SDK1: variants seen among roughly 807,000 people sequenced by gnomAD.
SDK1 encodes the protein protein sidekick-1.
A neutral mutation model predicts 245.5 loss-of-function variants in SDK1; 157 were observed. That is an observed-to-expected ratio of 0.64 (90% CI 0.56 to 0.73). SDK1 has a LOEUF of 0.73. SDK1 is among the 30% of genes least tolerant of loss of function. The probability of loss-of-function intolerance (pLI) is 0.00; values close to 1 mark genes in which losing one functional copy is unlikely to be tolerated. For missense variants in SDK1, 3,583 were observed against 3,002.3 expected (o/e 1.19, Z -4.52); for synonymous variants, 1,647 against 1,278.5 (o/e 1.29, Z -6.15).
intron 4 of SDK1, among the ~76,000 whole-genome samples, chr7:3,668,013 TATAAG>T (rs1783589112): frequency 6.6e-6 from 1 of 152,196 alleles, no homozygotes; most frequent in Non-Finnish European, 1.5e-5. Context: ...ATAAGAAACT[TATAAG>T]AAACCTCAAA....
chr7:4,102,319 G>A (rs56896338), intron 22 of SDK1, among the ~76,000 whole-genome samples: 3 of 152,022 alleles, frequency 2.0e-5, no homozygotes, highest in East Asian at 1.9e-4. Context: ...GCACGGGGAG[G>A]AGCCGTCAGA....
chr7:4,069,456 AGC>A, intron 20 of SDK1, among the ~76,000 whole-genome samples: 1 of 152,346 alleles, frequency 6.6e-6, no homozygotes, highest in Non-Finnish European at 1.5e-5. Context: ...GGTATTCTGC[AGC>A]CGCACCCCAA....
chr7:4,014,792 G>A (rs1244537378), intron 16 of SDK1, among the ~76,000 whole-genome samples: 2 of 152,186 alleles, frequency 1.3e-5, no homozygotes, highest in Admixed American at 1.3e-4. Context: ...TATCCTACCA[G>A]CAAGAGGAGG....
chr7:4,074,856 T>TACTTTCTCTCTCTCTCTC lies in SDK1; in HGVS notation c.3011-2142_3011-2141insACTTTCTCTCTCTCTCTC, dbSNP rs1486926440. Among the ~76,000 whole-genome samples, 223 of 70,110 alleles carry TACTTTCTCTCTCTCTCTC rather than the reference T, an allele frequency of 3.2e-3. 4 individuals are homozygous for TACTTTCTCTCTCTCTCTC. Among genetic ancestry groups the TACTTTCTCTCTCTCTCTC allele is most frequent in the African/African-American group, 4.5e-3 (47 of 10,362 alleles). 46.0% of individuals were successfully genotyped at this position (70,110 alleles called of 152,430 possible). A position where few individuals can be genotyped will look rare whatever the true frequency, so the allele number is the denominator to read the frequency against. The stretch of plus-strand genomic sequence containing the variant: ...CCAGCCTGGGCAACAGAGCAAGACT[T>TACTTTCTCTCTCTCTCTC]TCTCTCTCTCTCTCTCTCTCTCTCT... On this transcript the variant is annotated intron_variant, in intron 20 of 44. Transcript: ENST00000404826.
At chr7:3,807,497 G>T (rs1457349516) in intron 4 of SDK1, among the ~76,000 whole-genome samples, 1 of 152,126 alleles carries the variant, frequency 6.6e-6, no homozygotes, top group Non-Finnish European at 1.5e-5. Flanking sequence ...CTCTACCATA[G>T]GCCAGGCCTT....
intron 1 of SDK1, among the ~76,000 whole-genome samples, chr7:3,452,189 T>G (rs1265501188): frequency 3.3e-5 from 5 of 152,188 alleles, no homozygotes; most frequent in Non-Finnish European, 4.4e-5. Context: ...TCAGCTTTCT[T>G]TAGGACAGGT....
intron 1 of SDK1, among the ~76,000 whole-genome samples, chr7:3,321,948 TC>T (rs1008288972): frequency 2.0e-5 from 3 of 150,868 alleles, no homozygotes; most frequent in Admixed American, 2.0e-4. Context: ...ATACCTTTGT[TC>T]CCCCAGCCTG....
intron 1 of SDK1, among the ~76,000 whole-genome samples, chr7:3,326,930 G>A (rs1204655575): frequency 6.6e-6 from 1 of 151,248 alleles, no homozygotes; most frequent in East Asian, 1.9e-4. Context: ...GTACAAAGTG[G>A]TTATAAACTT....
At chr7:4,070,509 C>G (rs1780180538) in intron 20 of SDK1, among the ~76,000 whole-genome samples, 2 of 152,160 alleles carry the variant, frequency 1.3e-5, no homozygotes, top group African/African-American at 4.8e-5. Context: ...CCCAGGTGCC[C>G]TGGGGCACAG....
At chr7:4,031,681 A>T (rs1040156127) in intron 17 of SDK1, among the ~76,000 whole-genome samples, 2 of 149,214 alleles carry the variant, frequency 1.3e-5, no homozygotes, top group African/African-American at 4.9e-5. Flanking sequence ...TAGCAAATAT[A>T]TGTAGCTATA....
chr7:3,868,906 G>A (rs1390832364), intron 5 of SDK1, among the ~76,000 whole-genome samples: 1 of 152,152 alleles, frequency 6.6e-6, no homozygotes, highest in African/African-American at 2.4e-5. Flanking sequence ...AATAAATGAT[G>A]TGTACAGTAT....
At chr7:3,458,944 A>G (rs991298838) in intron 1 of SDK1, among the ~76,000 whole-genome samples, 1 of 152,176 alleles carries the variant, frequency 6.6e-6, no homozygotes, top group African/African-American at 2.4e-5. Flanking sequence ...CTTGATCATT[A>G]TTTAATGGGG....
chr7:3,728,293 G>A, intron 4 of SDK1, among the ~76,000 whole-genome samples: 1 of 152,294 alleles, frequency 6.6e-6, no homozygotes, highest in East Asian at 1.9e-4. Context: ...TCCTGCAAGT[G>A]CTGTCTCAGG....
chr7:4,116,734 A>C lies in SDK1; in HGVS notation c.3823+2460A>C, dbSNP rs956396958. Among the ~76,000 whole-genome samples, 8 of 152,358 alleles carry C rather than the reference A, an allele frequency of 5.3e-5. No homozygotes were observed. In the South Asian group the frequency reaches 1.2e-3, roughly 24 times the overall value. On this transcript the variant is annotated intron_variant, in intron 25 of 44. Coordinates refer to ENST00000404826, the MANE Select transcript of SDK1 (RefSeq NM_152744.4). ...GACAGGAGGACTCTTAAGCAGTAGCAGGGAGAAGCAGAACCATGGCCTTGT... is the reference window on the plus strand; with the variant it reads ...GACAGGAGGACTCTTAAGCAGTAGCCGGGAGAAGCAGAACCATGGCCTTGT...
intron 36 of SDK1, 47 bp from the exon 37 acceptor site, chr7:4,208,052 G>T: frequency 6.8e-7 from 1 of 1,477,268 alleles, no homozygotes; most frequent in Non-Finnish European, 9.3e-7. Flanking sequence ...CCCGCTTACT[G>T]GAAGGCTTCC....
At chr7:3,749,003 C>A (rs1346373968) in intron 4 of SDK1, among the ~76,000 whole-genome samples, 1 of 152,180 alleles carries the variant, frequency 6.6e-6, no homozygotes, top group Non-Finnish European at 1.5e-5. Context: ...ACCAACCCAA[C>A]TCACACTTAG....
chr7:3,337,447 G>GTA (rs893442973), intron 1 of SDK1, among the ~76,000 whole-genome samples: 4 of 150,080 alleles, frequency 2.7e-5, no homozygotes, highest in Admixed American at 2.0e-4. Context: ...CAGAAGGAAA[G>GTA]AATAGAGTGG....
chr7:3,753,750 G>C (rs1339207835), intron 4 of SDK1, among the ~76,000 whole-genome samples: 1 of 152,090 alleles, frequency 6.6e-6, no homozygotes, highest in East Asian at 1.9e-4. Flanking sequence ...TGGTGAAGTG[G>C]CTTTTGTAGA....
intron 5 of SDK1, among the ~76,000 whole-genome samples, chr7:3,887,963 G>A (rs1170513521): frequency 6.6e-6 from 1 of 152,178 alleles, no homozygotes; most frequent in Non-Finnish European, 1.5e-5. Context: ...CTGTCTGACT[G>A]TTTTACAGAA....
Sources: gnomAD v4.1 joint callset for allele counts (sites outside exome capture counted in the v4.1 genomes callset) on GRCh38, gnomAD v4.1.1 for gene constraint, MANE v1.5 for transcripts, NCBI Gene and HGNC (gene_info 2026-07-23, HGNC 2026-07-21) for gene names.